Variants in SPC25 observed in about 807,000 individuals in gnomAD.
SPC25 encodes kinetochore protein Spc25.
A neutral mutation model predicts 29.6 loss-of-function variants in SPC25; 22 were observed. The observed-to-expected ratio is 0.74, with a 90% CI of 0.53 to 1.06. SPC25 has a LOEUF of 1.06. Ranked by LOEUF, SPC25 falls within the 50% of genes least tolerant of loss-of-function variation. The pLI is 0.00. For synonymous variants in SPC25, 91 were observed against 90.4 expected (o/e 1.01, Z -0.04); for missense variants, 230 against 255.8 (o/e 0.90, Z 0.69).
chr2:168,868,791 G>T (rs1314278495), downstream of SPC25, among the ~76,000 whole-genome samples: 8 of 152,166 alleles, frequency 5.3e-5, no homozygotes, highest in Non-Finnish European at 1.0e-4. Context: ...GGAGGAGCTG[G>T]TACCATTCCT....
chr2:168,882,499 G>A (rs1328868736), intron 3 of SPC25, among the ~76,000 whole-genome samples: 2 of 152,198 alleles, frequency 1.3e-5, no homozygotes, highest in Non-Finnish European at 1.5e-5. Flanking sequence ...CAGCTACTAG[G>A]GAGGCTGAGG....
intron 6 of SPC25, among the ~76,000 whole-genome samples, chr2:168,873,056 A>C (rs1403958576): frequency 6.6e-6 from 1 of 152,232 alleles, no homozygotes; most frequent in Non-Finnish European, 1.5e-5. Flanking sequence ...TATCAATGAT[A>C]TATATTCCTT....
rs73032267 is a variant in SPC25, at chr2:168,881,023, A to T, written c.200-3639T>A. ...TACGAAGTCACCACATGCTGATGGA[A>T]AAATGGTGCCCACAGACTTGCTTGA... On this transcript the variant is annotated intron_variant, in intron 3 of 6. Coordinates refer to ENST00000282074, the MANE Select transcript of SPC25 (RefSeq NM_020675.4). Among the ~76,000 whole-genome samples the T allele has an allele frequency of 4.4e-3, 674 of 152,336 alleles. 3 individuals are homozygous for T. Among genetic ancestry groups the T allele is most frequent in the African/African-American group, 0.014 (574 of 41,580 alleles).
At chr2:168,866,903 C>G (rs1279959968), downstream of SPC25, among the ~76,000 whole-genome samples, 10 of 151,704 alleles carry the variant, frequency 6.6e-5, no homozygotes, top group Admixed American at 1.3e-4. Context: ...CAGAGAAATG[C>G]AAATCAAAAC....
At chr2:168,863,747 G>T in intron 4 of SPC25, 1 of 751,006 alleles carries the variant, frequency 1.3e-6, no homozygotes, top group Non-Finnish European at 1.6e-6. Context: ...AAAGACTGTT[G>T]GTGAGACATA....
chr2:168,886,545 A>G (rs1267876738), intron 3 of SPC25, among the ~76,000 whole-genome samples: 2 of 138,678 alleles, frequency 1.4e-5, no homozygotes, highest in African/African-American at 2.7e-5. Flanking sequence ...TTTGAGATGG[A>G]GTCTTGCTCT....
At chr2:168,867,100 T>C (rs1689874552), downstream of SPC25, among the ~76,000 whole-genome samples, 1 of 152,132 alleles carries the variant, frequency 6.6e-6, no homozygotes, top group Non-Finnish European at 1.5e-5. Context: ...AGAAATACCA[T>C]TTGACCCAGC....
chr2:168,880,689 T>TGAGA (rs1163436042), intron 3 of SPC25, among the ~76,000 whole-genome samples: 1 of 152,218 alleles, frequency 6.6e-6, no homozygotes, highest in Non-Finnish European at 1.5e-5. Context: ...TGATTTAAAG[T>TGAGA]GAGAGACCTA....
intron 3 of SPC25, 96 bp downstream of exon 3, chr2:168,889,130 G>A (rs548811847): frequency 2.1e-6 from 2 of 970,150 alleles, no homozygotes; most frequent in East Asian, 2.7e-5. Flanking sequence ...ATACACACTT[G>A]TGTACACAAA....
At chr2:168,868,764 T>G (rs999335571), downstream of SPC25, among the ~76,000 whole-genome samples, 3 of 152,208 alleles carry the variant, frequency 2.0e-5, no homozygotes. Flanking sequence ...CACAGCTGAA[T>G]TCTACCAGAG....
downstream of SPC25, among the ~76,000 whole-genome samples, chr2:168,866,793 A>AACC (rs1322102692): frequency 0.02 from 2,953 of 148,690 alleles, 103 homozygotes; most frequent in African/African-American, 0.069. Flanking sequence ...AAAAACAACC[A>AACC]CATCAAAAAG....
chr2:168,884,579 A>T (rs1690227671), intron 3 of SPC25, among the ~76,000 whole-genome samples: 1 of 152,190 alleles, frequency 6.6e-6, no homozygotes. Context: ...TACTGGATCT[A>T]CCTGTGACTT....
At chr2:168,885,555 A>G (rs896737317) in intron 3 of SPC25, among the ~76,000 whole-genome samples, 1 of 152,162 alleles carries the variant, frequency 6.6e-6, no homozygotes, top group Middle Eastern at 3.2e-3. Flanking sequence ...TGGAATGTCC[A>G]TCATCTGGCC....
At chr2:168,862,051 T>TAAGA (rs759245491) in intron 4 of SPC25, 9 of 1,612,826 alleles carry the variant, frequency 5.6e-6, no homozygotes, top group East Asian at 2.2e-5. Flanking sequence ...TGGAAAAGGG[T>TAAGA]AAGAATCATT....
At chr2:168,863,810 CAAAGTACGGACACCAAGAAAG>C (rs1689651700) in intron 4 of SPC25, 1 of 241,280 alleles carries the variant, frequency 4.1e-6, no homozygotes, top group African/African-American at 2.3e-5. Context: ...GTGAAACCCT[CAAAGTACGGACACCAAGAAAG>C]AGTTTGGTGA....
Position 168,865,657 on chromosome 2 carries a change from T to C in SPC25, n.419+7928A>G, listed in dbSNP as rs375102535. ...GGAGAAGGAAATAAAGGGCATTCAA[T>C]TAGGAAAAGAGGAAGTCAAATTGTC... On this transcript the variant is annotated intron_variant and non_coding_transcript_variant, in intron 4 of 4. Coordinates refer to the SPC25 transcript ENST00000479309. 7 of 152,148 alleles carry C rather than the reference T, an allele frequency of 4.6e-5. No individual in the cohort carries two copies. In the East Asian group the frequency reaches 5.8e-4, roughly 13 times the overall value. 9.4% of individuals were successfully genotyped at this position (152,148 alleles called of 1,614,324 possible).
At chr2:168,883,504 C>A (rs549121670) in intron 3 of SPC25, among the ~76,000 whole-genome samples, 1 of 152,262 alleles carries the variant, frequency 6.6e-6, no homozygotes, top group East Asian at 1.9e-4. Context: ...TCAAAGGTCT[C>A]AAGTCTGATT....
chr2:168,886,507 C>G (rs1314649186), intron 3 of SPC25, among the ~76,000 whole-genome samples: 1 of 151,358 alleles, frequency 6.6e-6, no homozygotes, highest in African/African-American at 2.4e-5. Flanking sequence ...TATTTCTGTT[C>G]AAGTATAAAC....
At chr2:168,877,129 A>T in intron 4 of SPC25, 109 bp downstream of exon 4, 2 of 1,158,320 alleles carry the variant, frequency 1.7e-6, no homozygotes, top group Non-Finnish European at 1.2e-6. Context: ...GCCCTGGGGT[A>T]CTGTAATCCA....
Sources: gnomAD v4.1 joint callset for allele counts (sites outside exome capture counted in the v4.1 genomes callset) on GRCh38, gnomAD v4.1.1 for gene constraint, MANE v1.5 for transcripts, NCBI Gene and HGNC (gene_info 2026-07-23, HGNC 2026-07-21) for gene names.